LIPN: variants seen among roughly 807,000 people sequenced by gnomAD.
The protein encoded by LIPN is lipase family member N, also known as lipase member N.
In LIPN, 32 loss-of-function variants were observed where a neutral mutation model predicts 43.7. The ratio of observed to expected loss-of-function variants is 0.73; its 90% CI spans 0.55 to 0.98. The LOEUF (loss-of-function observed/expected upper bound fraction) is 0.98. Ranked by LOEUF, LIPN falls within the 50% of genes least tolerant of loss-of-function variation. LIPN has a pLI of 0.00. For missense variants in LIPN, 505 were observed against 483.8 expected, an observed-to-expected ratio of 1.04 and a Z score of -0.41; for synonymous variants, 156 against 157.6, an observed-to-expected ratio of 0.99 and a Z score of 0.08.
At chr10:88,773,850 A>G (rs927252510) in intron 7 of LIPN, among the ~76,000 whole-genome samples, 1 of 152,002 alleles carries the variant, frequency 6.6e-6, no homozygotes, top group African/African-American at 2.4e-5. Flanking sequence ...TAGAATTATG[A>G]TTACTATTTT....
At chr10:88,773,249 G>A (rs2134856784) in intron 7 of LIPN, among the ~76,000 whole-genome samples, 1 of 151,942 alleles carries the variant, frequency 6.6e-6, no homozygotes, top group South Asian at 2.1e-4. Flanking sequence ...AAGTGAATAG[G>A]CAGCTTCACT....
chr10:88,768,023 C>T (rs395465), intron 5 of LIPN, among the ~76,000 whole-genome samples: 2,460 of 52,708 alleles, frequency 0.047, 26 homozygotes, highest in South Asian at 0.13. Flanking sequence ...AGTACACACA[C>T]ACACACACAC....
At chr10:88,774,924 T>C (rs972155151) in intron 8 of LIPN, among the ~76,000 whole-genome samples, 168 bp from the exon 9 acceptor site, 2 of 151,858 alleles carry the variant, frequency 1.3e-5, no homozygotes, top group Non-Finnish European at 2.9e-5. Context: ...GTATTGCTCA[T>C]CTTTCTGTTG....
At chr10:88,770,422 A>G (rs550896562) in intron 6 of LIPN, among the ~76,000 whole-genome samples, 3 of 148,564 alleles carry the variant, frequency 2.0e-5, no homozygotes, top group South Asian at 2.2e-4. Flanking sequence ...TTTCATACCA[A>G]TTAATGAGAA....
chr10:88,774,347 A>G, intron 7 of LIPN, 126 bp from the exon 8 acceptor site: 3 of 622,580 alleles, frequency 4.8e-6, no homozygotes, highest in Non-Finnish European at 8.7e-6. Context: ...ATTTATCTAG[A>G]TAATTCTACC....
chr10:88,762,416 T>A (rs1843017876), intron 3 of LIPN, 111 bp downstream of exon 3: 2 of 700,996 alleles, frequency 2.9e-6, no homozygotes, highest in African/African-American at 1.8e-5. Flanking sequence ...GTTTGAATTA[T>A]TGGATTAGTC....
Position 88,774,550 on chromosome 10 carries a change from G to A in LIPN, c.891+6G>A, listed in dbSNP as rs1843264503. 4.4e-6 allele frequency: 7 copies of A among 1,606,260 alleles called. No individual in the cohort carries two copies. The highest frequency in any genetic ancestry group is 6.0e-6 in the Non-Finnish European group (7 of 1,173,796). On this transcript the variant is annotated splice_donor_region_variant and intron_variant, in intron 8 of 9. Transcript: ENST00000404459. The stretch of plus-strand genomic sequence containing the variant: ...ACATTCTGCATATAAAACAGGTAGA[G>A]TCTTAGTCATGGAAAACCATTCCAA...
At chr10:88,762,688 C>T (rs1485861194) in intron 3 of LIPN, among the ~76,000 whole-genome samples, 1 of 151,976 alleles carries the variant, frequency 6.6e-6, no homozygotes, top group Non-Finnish European at 1.5e-5. Context: ...TCTGGGGCAC[C>T]CAAGAAGAAC....
At chr10:88,776,414 C>T (rs1486977587) in intron 9 of LIPN, among the ~76,000 whole-genome samples, 2 of 151,990 alleles carry the variant, frequency 1.3e-5, no homozygotes. Context: ...AATCAACACG[C>T]ACATTCAAGA....
At position 88,762,845 on chromosome 10, in the gene LIPN, A is replaced by G. The variant is rs535707473; in HGVS notation, c.226+540A>G. Among the ~76,000 whole-genome samples, 15 of 152,206 alleles carry G rather than the reference A, an allele frequency of 9.9e-5. 1 individual carries two copies. The South Asian group carries it at 2.7e-3, about 27-fold the overall frequency. ...TTGATCTAAGGGACAGACGGTTCAT[A>G]GAATGAAAGAGTATGGTGTCAATAA... On this transcript the variant is annotated intron_variant, in intron 3 of 9. Transcript: ENST00000404459.
intron 7 of LIPN, among the ~76,000 whole-genome samples, chr10:88,774,010 T>C (rs191823801): frequency 2.8e-4 from 42 of 152,142 alleles, no homozygotes; most frequent in African/African-American, 1.0e-3. Flanking sequence ...GTTCATTTAA[T>C]AGATGAAAAC....
chr10:88,777,947 C>G, intron 9 of LIPN, 62 bp from the exon 10 acceptor site: 1 of 983,452 alleles, frequency 1.0e-6, no homozygotes, highest in Non-Finnish European at 1.6e-6. Flanking sequence ...CATTTAGCAG[C>G]CTTTGTAGTT....
chr10:88,761,977 TCCC>T (rs991181638), intron 2 of LIPN, among the ~76,000 whole-genome samples: 7 of 152,186 alleles, frequency 4.6e-5, no homozygotes, highest in African/African-American at 1.7e-4. Flanking sequence ...TGCTAAATTT[TCCC>T]CCAACCCCCC....
At chr10:88,761,767 CTATCTATCTATT>C (rs1355566349) in intron 2 of LIPN, among the ~76,000 whole-genome samples, 11 of 73,680 alleles carry the variant, frequency 1.5e-4, no homozygotes, top group African/African-American at 8.9e-4. Context: ...ATCTATGTAT[CTATCTATCTATT>C]TATCTATCTA....
chr10:88,777,449 A>C (rs1843313382), intron 9 of LIPN, among the ~76,000 whole-genome samples: 1 of 151,890 alleles, frequency 6.6e-6, no homozygotes, highest in Non-Finnish European at 1.5e-5. Flanking sequence ...TGATTCCATT[A>C]ACTGTTGCCC....
In LIPN at chr10:88,775,162, A is replaced by G. The variant is rs1398345449; in HGVS notation, c.962A>G (p.Gln321Arg). The G allele has an allele frequency of 6.5e-7, 1 of 1,539,330 alleles. No individual in the cohort carries two copies. The highest frequency in any genetic ancestry group is 2.0e-5 in the Admixed American group (1 of 50,802). ...GCTGATAATATGAAACATTACAATC[A>G]GGTGAGCTATTTACAGTAACCCCAG... ...NDADNMKHYN[Q>R]SHPPIYDLTA... The change falls in exon 9 of 10, where the codon CAG becomes CGG. Residue 321 changes from glutamine (Q) to arginine (R), a missense_variant and splice_region_variant. By Grantham distance (43) the Gln-to-Arg change is conservative. Transcript: ENST00000404459.
At position 88,762,240 on chromosome 10, in the gene LIPN, C is replaced by T. The variant is rs1564578798; in HGVS notation, c.161C>T (p.Thr54Ile). ...GYPSEEYEVT[T>I]EDGYILLVNR... Reference sequence around the variant, plus strand: ...CCCAGTGAAGAGTATGAAGTCACCACTGAAGATGGGTATATACTCCTTGTC... The same window carrying T: ...CCCAGTGAAGAGTATGAAGTCACCATTGAAGATGGGTATATACTCCTTGTC... The change falls in exon 3 of 10, where the codon ACT becomes ATT. Residue 54 changes from threonine (T) to isoleucine (I), a missense_variant. By Grantham distance (89) the Thr-to-Ile change is moderately conservative. Coordinates refer to ENST00000404459, the MANE Select transcript of LIPN (RefSeq NM_001102469.2). 2.5e-6 allele frequency: 4 copies of T among 1,609,812 alleles called. No homozygotes were observed. Among genetic ancestry groups the T allele is most frequent in the Non-Finnish European group, 3.4e-6 (4 of 1,177,920 alleles).
intron 6 of LIPN, 137 bp downstream of exon 6, chr10:88,769,065 T>C: frequency 1.3e-6 from 1 of 793,186 alleles, no homozygotes; most frequent in Non-Finnish European, 2.0e-6. Context: ...GGTATGTGCT[T>C]GTGTATGTGT....
At chr10:88,763,056 C>T (rs1843029541) in intron 3 of LIPN, among the ~76,000 whole-genome samples, 1 of 151,958 alleles carries the variant, frequency 6.6e-6, no homozygotes, top group African/African-American at 2.4e-5. Flanking sequence ...TCTTTTTTCC[C>T]ACCACACATA....
Sources: allele counts gnomAD v4.1 joint callset (sites outside exome capture counted in the v4.1 genomes callset), GRCh38; gene constraint gnomAD v4.1.1; transcripts MANE v1.5; gene names NCBI Gene and HGNC (gene_info 2026-07-23, HGNC 2026-07-21).